The following PDE1C variants were observed in gnomAD, a reference collection of about 807,000 sequenced individuals.
PDE1C encodes phosphodiesterase 1C.
A neutral mutation model predicts 93.1 loss-of-function variants in PDE1C; 62 were observed. The ratio of observed to expected loss-of-function variants is 0.67; its 90% confidence interval spans 0.54 to 0.82. PDE1C has a LOEUF of 0.82. Ranked by LOEUF, PDE1C falls within the 40% of genes least tolerant of loss-of-function variation. PDE1C has a pLI of 0.00. For missense variants in PDE1C, 742 were observed against 884.6 expected (o/e 0.84, Z 2.04); for synonymous variants, 325 against 310.1 (o/e 1.05, Z -0.50).
chr7:32,300,736 T>C (rs1328831069), upstream of PDE1C, among the ~76,000 whole-genome samples: 1 of 152,192 alleles, frequency 6.6e-6, no homozygotes, highest in Non-Finnish European at 1.5e-5. Context: ...AAATAACGTA[T>C]TTTAGTTATT....
intron 2 of PDE1C, among the ~76,000 whole-genome samples, chr7:32,202,845 C>T (rs764141597): frequency 1.5e-4 from 23 of 152,106 alleles, no homozygotes; most frequent in South Asian, 2.1e-4. Flanking sequence ...GGTATGAAAA[C>T]TTAACATGAG....
intron 2 of PDE1C, among the ~76,000 whole-genome samples, chr7:32,035,518 G>A (rs562983201): frequency 6.6e-5 from 10 of 152,162 alleles, no homozygotes; most frequent in Admixed American, 2.0e-4. Context: ...TGTTTGTTTT[G>A]CAATCAATAC....
intron 17 of PDE1C, among the ~76,000 whole-genome samples, chr7:31,774,281 T>C (rs1040480978): frequency 2.6e-5 from 4 of 151,914 alleles, no homozygotes; most frequent in African/African-American, 9.7e-5. Flanking sequence ...AATGTAAAGG[T>C]GAATTAACAC....
chr7:32,221,974 T>C (rs917558477), intron 1 of PDE1C, among the ~76,000 whole-genome samples: 6 of 151,982 alleles, frequency 3.9e-5, no homozygotes, highest in East Asian at 1.9e-4. Context: ...AGATCTGAGA[T>C]AGGAAATCAA....
rs1584609508 is a variant in PDE1C, at chr7:32,051,571, A to G, written c.111T>C (p.Tyr37=). Residue 37 remains tyrosine, a synonymous_variant, in exon 2 of 18, where the codon TAT becomes TAC. Transcript: ENST00000396191. ...IWLRLRGLRK[Y]KKTSQRLRSL... The stretch of plus-strand genomic sequence containing the variant: ...GTTCTTACCTCTGGGACGTTTTCTT[A>G]TATTTCCTCCTGTAAGAAAAGGCAT... The G allele has an allele frequency of 6.2e-7, 1 of 1,613,774 alleles. No individual in the cohort carries two copies. Among genetic ancestry groups the G allele is most frequent in the Non-Finnish European group, 8.5e-7 (1 of 1,179,748 alleles).
intron 2 of PDE1C, among the ~76,000 whole-genome samples, chr7:31,957,050 T>C (rs1215135988): frequency 6.6e-6 from 1 of 151,674 alleles, no homozygotes; most frequent in African/African-American, 2.4e-5. Flanking sequence ...GCAATAAAAA[T>C]AGGAAAATTC....
rs577395074 is a variant in PDE1C at position 32,182,839 on chromosome 7, A to G, written c.137-12883T>C. Among the ~76,000 whole-genome samples, 182 of 152,340 alleles carry G rather than the reference A, an allele frequency of 1.2e-3. 1 individual carries two copies. The highest frequency in any genetic ancestry group is 4.2e-3 in the African/African-American group (175 of 41,588). ...AGAAGGAAATAAAGGGTATTCAATT[A>G]GGAAAAGAGGAAGTCAAATTGTCCC... On this transcript the variant is annotated intron_variant, in intron 2 of 18. Transcript: ENST00000396193.
chr7:31,818,612 T>A (rs1301120787), intron 14 of PDE1C, among the ~76,000 whole-genome samples: 1 of 152,150 alleles, frequency 6.6e-6, no homozygotes, highest in Non-Finnish European at 1.5e-5. Flanking sequence ...CTAAGTCTTA[T>A]TCTGAAAGAG....
intron 2 of PDE1C, among the ~76,000 whole-genome samples, chr7:31,999,077 A>G (rs1257518863): frequency 6.6e-6 from 1 of 152,164 alleles, no homozygotes; most frequent in East Asian, 1.9e-4. Context: ...ACCCTTACTC[A>G]TCTTCCTGAA....
chr7:31,800,202 C>A (rs900404269), intron 16 of PDE1C, among the ~76,000 whole-genome samples: 1 of 151,426 alleles, frequency 6.6e-6, no homozygotes, highest in African/African-American at 2.4e-5. Context: ...AAATATCCCC[C>A]CAGAATGTGA....
At chr7:32,425,071 A>T (rs566909047) in intron 1 of PDE1C, among the ~76,000 whole-genome samples, 1 of 152,176 alleles carries the variant, frequency 6.6e-6, no homozygotes, top group East Asian at 1.9e-4. Flanking sequence ...AGCATCCAGC[A>T]ATACTGTTTA....
chr7:31,860,448 A>G (rs1219140186), intron 7 of PDE1C, among the ~76,000 whole-genome samples: 1 of 152,242 alleles, frequency 6.6e-6, no homozygotes, highest in African/African-American at 2.4e-5. Flanking sequence ...CCATATGTAT[A>G]TAATGGATTA....
At chr7:32,096,222 T>C (rs1797740040) in intron 3 of PDE1C, among the ~76,000 whole-genome samples, 1 of 152,160 alleles carries the variant, frequency 6.6e-6, no homozygotes, top group African/African-American at 2.4e-5. Context: ...CAGTATAACT[T>C]TGGGAACTGC....
the PDE1C span, among the ~76,000 whole-genome samples, chr7:31,620,630 C>A: frequency 2.0e-5 from 3 of 150,166 alleles, no homozygotes; most frequent in Middle Eastern, 3.4e-3. Context: ...CATCAAAGAC[C>A]AAAAGTAGAT....
At chr7:31,764,612 C>T (rs7800458) in intron 17 of PDE1C, among the ~76,000 whole-genome samples, 1 of 152,180 alleles carries the variant, frequency 6.6e-6, no homozygotes, top group African/African-American at 2.4e-5. Context: ...TCTTAAGACA[C>T]GTTGCGTTTA....
At chr7:31,883,600 C>CTATGGATGTA (rs1472411004) in intron 2 of PDE1C, among the ~76,000 whole-genome samples, 3 of 152,204 alleles carry the variant, frequency 2.0e-5, no homozygotes, top group Non-Finnish European at 4.4e-5. Flanking sequence ...ATTATATGGA[C>CTATGGATGTA]TATGGATGTA....
intron 17 of PDE1C, 38 bp from the exon 18 acceptor site, chr7:31,753,591 C>T: frequency 2.5e-6 from 4 of 1,587,724 alleles, no homozygotes; most frequent in East Asian, 2.3e-5. Flanking sequence ...AACGGTTAGC[C>T]TCACCCACGA....
At chr7:32,248,134 A>G (rs779792648) in intron 1 of PDE1C, among the ~76,000 whole-genome samples, 3 of 152,190 alleles carry the variant, frequency 2.0e-5, no homozygotes, top group Non-Finnish European at 4.4e-5. Flanking sequence ...AAAGATAATT[A>G]TTTAATATTA....
intron 2 of PDE1C, among the ~76,000 whole-genome samples, chr7:31,921,313 C>A (rs767008499): frequency 1.3e-5 from 2 of 152,158 alleles, no homozygotes; most frequent in Non-Finnish European, 2.9e-5. Flanking sequence ...GAGAGATGGG[C>A]ATGAACACAG....
Sources: gnomAD v4.1 joint callset for allele counts (sites outside exome capture counted in the v4.1 genomes callset) on GRCh38, gnomAD v4.1.1 for gene constraint, MANE v1.5 for transcripts, NCBI Gene and HGNC (gene_info 2026-07-23, HGNC 2026-07-21) for gene names.